OSBPL8: variants seen among roughly 807,000 people sequenced by gnomAD.
OSBPL8 encodes oxysterol binding protein like 8.
Under a neutral mutation model 125.5 loss-of-function variants are expected in OSBPL8, and 59 were observed. That is an observed-to-expected ratio of 0.47 (90% confidence interval 0.38 to 0.58). The LOEUF (loss-of-function observed/expected upper bound fraction) is 0.58, where lower values mean the gene tolerates loss of function less well. OSBPL8 is among the 20% of genes least tolerant of loss of function. The pLI is 0.00. For synonymous variants in OSBPL8, 330 were observed against 338.9 expected (o/e 0.97, Z 0.29); for missense variants, 758 against 1,047.8 (o/e 0.72, Z 3.82).
intron 21 of OSBPL8, among the ~76,000 whole-genome samples, chr12:76,365,591 TCTC>T (rs1241495499): frequency 6.6e-6 from 1 of 152,156 alleles, no homozygotes; most frequent in Non-Finnish European, 1.5e-5. Flanking sequence ...TTTGATGACT[TCTC>T]TTTTTTTTCT....
chr12:76,454,571 T>C (rs1158064852), intron 3 of OSBPL8, among the ~76,000 whole-genome samples: 2 of 151,450 alleles, frequency 1.3e-5, no homozygotes, highest in Non-Finnish European at 2.9e-5. Flanking sequence ...TAGCTCACAC[T>C]GTAATCCTAG....
chr12:76,428,752 C>T (rs1175065834), intron 4 of OSBPL8, among the ~76,000 whole-genome samples: 1 of 152,042 alleles, frequency 6.6e-6, no homozygotes, highest in Non-Finnish European at 1.5e-5. Flanking sequence ...ACAAATTCAG[C>T]AGTAAGTTTC....
At chr12:76,487,021 ATTTTTTTTTTTT>A (rs63178360) in intron 2 of OSBPL8, among the ~76,000 whole-genome samples, 5 of 101,900 alleles carry the variant, frequency 4.9e-5, no homozygotes, top group Non-Finnish European at 9.5e-5. Context: ...TGCAATTTTC[ATTTTTTTTTTTT>A]TTTTTTTTTT....
rs1334509922 is a variant in OSBPL8 at position 76,355,661 on chromosome 12, T to C, written c.*228A>G. ...TATGTAGACACATTCTCACAAAAGC[T>C]AGAAATGTCCTGGCACTTAACACAT... On this transcript the variant is annotated 3_prime_UTR_variant, in exon 24 of 24. Transcript: ENST00000261183. 4.4e-6 allele frequency: 2 copies of C among 453,754 alleles called. No homozygotes were observed. The highest frequency in any genetic ancestry group is 2.0e-5 in the African/African-American group (1 of 49,496). The allele number at this position is 453,754 out of a possible 1,614,324, so 28.1% of individuals were successfully genotyped here.
intron 1 of OSBPL8, among the ~76,000 whole-genome samples, chr12:76,521,375 T>C (rs181575943): frequency 1.6e-4 from 24 of 152,306 alleles, no homozygotes; most frequent in African/African-American, 5.8e-4. Context: ...GTACAGCCAC[T>C]GCGGAAAACA....
At chr12:76,436,597 A>G (rs571184498) in intron 4 of OSBPL8, among the ~76,000 whole-genome samples, 1 of 152,228 alleles carries the variant, frequency 6.6e-6, no homozygotes, top group African/African-American at 2.4e-5. Context: ...CATTGGAAAA[A>G]CTATAATCTT....
chr12:76,384,697 G>A (rs1344918036), intron 14 of OSBPL8, among the ~76,000 whole-genome samples: 1 of 152,178 alleles, frequency 6.6e-6, no homozygotes, highest in Non-Finnish European at 1.5e-5. Context: ...GTTCTGAAAA[G>A]CCAGCTTTGA....
Position 76,394,686 on chromosome 12 carries a change from G to A in OSBPL8, c.716C>T (p.Pro239Leu). 6.2e-7 allele frequency: 1 copy of A among 1,612,564 alleles called. No homozygotes were observed. Among genetic ancestry groups the A allele is most frequent in the Non-Finnish European group, 8.5e-7 (1 of 1,179,346 alleles). The change falls in exon 9 of 24, where the codon CCT (proline) becomes CTT (leucine). Residue 239 changes from proline to leucine, a missense_variant. Transcript: ENST00000261183. Reference protein sequence around the residue: ...EAVGSITQPLPSSYLIIRATS... With the variant: ...EAVGSITQPLLSSYLIIRATS... Reference sequence around the variant, plus strand: ...AGCTCGGATGATCAAATAACTGCTAGGTAAGGGTTGAGTAATGGATCCAAC... The same window carrying A: ...AGCTCGGATGATCAAATAACTGCTAAGTAAGGGTTGAGTAATGGATCCAAC...
chr12:76,364,707 A>G (rs1342306246), intron 21 of OSBPL8, among the ~76,000 whole-genome samples: 2 of 152,312 alleles, frequency 1.3e-5, no homozygotes, highest in Non-Finnish European at 2.9e-5. Flanking sequence ...TTAGACACTC[A>G]ATTCTACTCC....
chr12:76,469,784 G>A (rs1047473082), intron 2 of OSBPL8, among the ~76,000 whole-genome samples: 1 of 151,934 alleles, frequency 6.6e-6, no homozygotes, highest in African/African-American at 2.4e-5. Flanking sequence ...CTACTGAAAT[G>A]TTAGCTCCAC....
chr12:76,373,269 T>C, intron 18 of OSBPL8, 75 bp downstream of exon 18: 2 of 959,842 alleles, frequency 2.1e-6, no homozygotes, highest in Non-Finnish European at 3.0e-6. Context: ...GGAATAAGTT[T>C]TAAATTTTAA....
At chr12:76,542,198 AT>A (rs1366173827) in intron 1 of OSBPL8, among the ~76,000 whole-genome samples, 1 of 152,198 alleles carries the variant, frequency 6.6e-6, no homozygotes, top group African/African-American at 2.4e-5. Context: ...ACATAAAAAA[AT>A]AAAGCATAAT....
rs138367269 is a variant in OSBPL8, at chr12:76,505,406, C to G, written c.-67-17788G>C. 4.8e-3 allele frequency among the ~76,000 whole-genome samples: 723 copies of G among 152,188 alleles called. 10 individuals carry two copies. The highest frequency in any genetic ancestry group is 0.017 in the African/African-American group (695 of 41,530). On this transcript the variant is annotated intron_variant, in intron 1 of 23. Coordinates refer to ENST00000261183, the MANE Select transcript of OSBPL8 (RefSeq NM_020841.5). ...CCAATAAATTTATCACCATCTAATT[C>G]CCCTTGTTAATTTTCTTTTTGCTTG... is the stretch of plus-strand genomic sequence containing the variant.
intron 16 of OSBPL8, among the ~76,000 whole-genome samples, chr12:76,375,730 C>T (rs1952793520): frequency 7.3e-6 from 1 of 137,298 alleles, no homozygotes; most frequent in Non-Finnish European, 1.6e-5. Flanking sequence ...GGTTCAGCTC[C>T]CACATTGTTT....
intron 21 of OSBPL8, among the ~76,000 whole-genome samples, chr12:76,365,519 G>T (rs955608258): frequency 6.6e-6 from 1 of 151,916 alleles, no homozygotes; most frequent in African/African-American, 2.4e-5. Context: ...GGATTCTTTG[G>T]GATTTTCTAT....
chr12:76,459,259 A>T (rs2136814432), intron 3 of OSBPL8, among the ~76,000 whole-genome samples: 1 of 152,268 alleles, frequency 6.6e-6, no homozygotes, highest in East Asian at 1.9e-4. Context: ...AGACTATAAA[A>T]ATTTTTAGGG....
chr12:76,396,841 T>G (rs1381325745), intron 8 of OSBPL8, among the ~76,000 whole-genome samples: 1 of 152,174 alleles, frequency 6.6e-6, no homozygotes, highest in Non-Finnish European at 1.5e-5. Flanking sequence ...AGACAGGGTC[T>G]TGTTCTGTTG....
intron 16 of OSBPL8, 58 bp from the exon 17 acceptor site, chr12:76,375,428 C>A (rs1460033942): frequency 2.6e-6 from 3 of 1,175,910 alleles, no homozygotes; most frequent in African/African-American, 1.5e-5. Flanking sequence ...ATATGGCTCA[C>A]GATAAACAGT....
At chr12:76,375,992 A>G (rs939451355) in intron 16 of OSBPL8, among the ~76,000 whole-genome samples, 2 of 152,214 alleles carry the variant, frequency 1.3e-5, no homozygotes, top group African/African-American at 4.8e-5. Flanking sequence ...AATTAATGTT[A>G]TAATTACATC....
Sources: allele counts gnomAD v4.1 joint callset (sites outside exome capture counted in the v4.1 genomes callset), GRCh38; gene constraint gnomAD v4.1.1; transcripts MANE v1.5; gene names NCBI Gene and HGNC (gene_info 2026-07-23, HGNC 2026-07-21).